The following SNAP91 variants were observed in gnomAD, a reference collection of about 807,000 sequenced individuals.
The protein encoded by SNAP91 is synaptosome associated protein 91.
Under a neutral mutation model 100.3 loss-of-function variants are expected in SNAP91, and 27 were observed. The ratio of observed to expected loss-of-function variants is 0.27; its 90% CI spans 0.20 to 0.37. The LOEUF is 0.37. Ranked by LOEUF, SNAP91 falls within the 10% of genes least tolerant of loss-of-function variation. The pLI is 1.00. For synonymous variants in SNAP91, 404 were observed against 398.6 expected (o/e 1.01, Z -0.16); for missense variants, 986 against 1,123.7 (o/e 0.88, Z 1.75).
chr6:83,597,042 G>A (rs1197026381), intron 16 of SNAP91, among the ~76,000 whole-genome samples: 1 of 152,204 alleles, frequency 6.6e-6, no homozygotes, highest in Non-Finnish European at 1.5e-5. Flanking sequence ...ATCCTTAGAA[G>A]AGGGTTTTAA....
intron 6 of SNAP91, among the ~76,000 whole-genome samples, chr6:83,658,477 C>T (rs1291737107): frequency 2.0e-5 from 3 of 151,960 alleles, no homozygotes; most frequent in East Asian, 1.9e-4. Context: ...GGCATGGTGG[C>T]GGGCGCCTGC....
At chr6:83,681,597 G>C (rs1411778630) in intron 2 of SNAP91, among the ~76,000 whole-genome samples, 1 of 151,956 alleles carries the variant, frequency 6.6e-6, no homozygotes, top group Admixed American at 6.6e-5. Context: ...AAACATCAAG[G>C]GAAAAACAAG....
intron 24 of SNAP91, among the ~76,000 whole-genome samples, chr6:83,578,523 G>A (rs1823112482): frequency 6.6e-6 from 1 of 152,002 alleles, no homozygotes; most frequent in African/African-American, 2.4e-5. Flanking sequence ...GAGAATATAG[G>A]GTGCTTGGGT....
intron 7 of SNAP91, among the ~76,000 whole-genome samples, chr6:83,655,575 G>A (rs1186801040): frequency 6.6e-6 from 1 of 152,082 alleles, no homozygotes; most frequent in African/African-American, 2.4e-5. Context: ...TTTTACCTCA[G>A]TTTACCTTGG....
At chr6:83,639,750 T>C (rs972919755) in intron 8 of SNAP91, among the ~76,000 whole-genome samples, 1 of 152,116 alleles carries the variant, frequency 6.6e-6, no homozygotes, top group Non-Finnish European at 1.5e-5. Flanking sequence ...GCCAGCTCCT[T>C]ACTTACATAC....
intron 2 of SNAP91, among the ~76,000 whole-genome samples, chr6:83,702,678 A>G (rs2099328643): frequency 6.6e-6 from 1 of 152,108 alleles, no homozygotes. Context: ...ATTCTAAGAA[A>G]GTATCTGCTA....
rs1420205118 is a variant in SNAP91, at chr6:83,593,081, C to A, written c.1775-64G>T. The A allele has an allele frequency of 1.4e-5, 21 of 1,532,936 alleles. No homozygotes were observed. In the East Asian group the frequency reaches 1.5e-4, roughly 11 times the overall value. The allele number at this position is 1,532,936 out of a possible 1,614,324, so 95.0% of individuals were successfully genotyped here. Reference sequence around the variant, plus strand: ...AGTAGTAGAAAGCTGAAATCAAAGTCAAAAATCTAACAAATGCATTATCAC... The same window carrying A: ...AGTAGTAGAAAGCTGAAATCAAAGTAAAAAATCTAACAAATGCATTATCAC... On this transcript the variant is annotated intron_variant, in intron 19 of 29. Coordinates refer to ENST00000369694, the MANE Select transcript of SNAP91 (RefSeq NM_001242792.2).
intron 2 of SNAP91, among the ~76,000 whole-genome samples, chr6:83,674,056 TTTTG>T (rs756918513): frequency 2.0e-5 from 3 of 152,152 alleles, no homozygotes; most frequent in African/African-American, 4.8e-5. Flanking sequence ...GAATCATGTT[TTTTG>T]TTTGTTTGTT....
At chr6:83,695,658 C>A (rs1260094282) in intron 2 of SNAP91, among the ~76,000 whole-genome samples, 1 of 152,084 alleles carries the variant, frequency 6.6e-6, no homozygotes, top group African/African-American at 2.4e-5. Flanking sequence ...TTTACACTTG[C>A]AGCAATTGAG....
chr6:83,665,391 T>TA, intron 3 of SNAP91, 48 bp downstream of exon 3: 1 of 1,581,254 alleles, frequency 6.3e-7, no homozygotes, highest in East Asian at 2.3e-5. Context: ...ATGCTCTTCC[T>TA]AAAAGCCTCC....
At position 83,686,094 on chromosome 6, in the gene SNAP91, T is replaced by C. The variant is rs539540727; in HGVS notation, c.131-20513A>G. The C allele has an allele frequency of 4.5e-6, 4 of 892,440 alleles. 1 individual carries two copies. In the East Asian group the frequency reaches 4.8e-4, roughly 106 times the overall value. 55.3% of individuals were successfully genotyped at this position (892,440 alleles called of 1,614,324 possible). On this transcript the variant is annotated intron_variant, in intron 2 of 29. Transcript: ENST00000369694. Reference sequence around the variant, plus strand: ...ATGCACAGTAGACACTGATTAAATGTTTGTTGTGAACCTGGAACATACTCT... The same window carrying C: ...ATGCACAGTAGACACTGATTAAATGCTTGTTGTGAACCTGGAACATACTCT...
chr6:83,601,748 A>C (rs1250634732), intron 14 of SNAP91, 149 bp from the exon 15 acceptor site: 5 of 739,294 alleles, frequency 6.8e-6, no homozygotes, highest in Non-Finnish European at 2.3e-6. Context: ...TAAAAAATAA[A>C]TGTACTACCT....
chr6:83,611,402 G>A, intron 11 of SNAP91: 1 of 454,894 alleles, frequency 2.2e-6, no homozygotes, highest in Non-Finnish European at 4.4e-6. Context: ...TCACTTCTAG[G>A]AAAGTGCTTC....
intron 2 of SNAP91, among the ~76,000 whole-genome samples, chr6:83,706,941 C>G (rs1314732411): frequency 6.6e-6 from 1 of 152,172 alleles, no homozygotes; most frequent in Admixed American, 6.5e-5. Context: ...CTCTGTTTAT[C>G]CTTCGGTGAC....
chr6:83,703,182 T>C (rs776873920), intron 2 of SNAP91, among the ~76,000 whole-genome samples: 1 of 150,832 alleles, frequency 6.6e-6, no homozygotes, highest in Non-Finnish European at 1.5e-5. Context: ...TTTAAACTAA[T>C]AGTTAAATGA....
At chr6:83,558,044 C>T (rs1032489108) in intron 28 of SNAP91, among the ~76,000 whole-genome samples, 12 of 151,632 alleles carry the variant, frequency 7.9e-5, no homozygotes, top group Non-Finnish European at 1.6e-4. Flanking sequence ...CAATGTATTC[C>T]CATCATACTA....
intron 9 of SNAP91, among the ~76,000 whole-genome samples, chr6:83,618,115 T>C (rs2096573358): frequency 6.6e-6 from 1 of 151,890 alleles, no homozygotes; most frequent in South Asian, 2.1e-4. Flanking sequence ...TCTTTAATTT[T>C]GAAAATTCAG....
rs886207605 is a variant in SNAP91, at chr6:83,642,326, C to T, written c.659-1124G>A. On this transcript the variant is annotated intron_variant, in intron 7 of 29. Transcript: ENST00000369694. ...TTTACATTAGGTATATCTCCTAATG[C>T]TATCCCTCCCACCTCCCCTCACCCC... Among the ~76,000 whole-genome samples, 11 of 152,260 alleles carry T rather than the reference C, an allele frequency of 7.2e-5. No homozygotes were observed. The East Asian group carries it at 9.7e-4, about 13-fold the overall frequency.
At chr6:83,671,868 G>A in intron 2 of SNAP91, among the ~76,000 whole-genome samples, 1 of 151,828 alleles carries the variant, frequency 6.6e-6, no homozygotes, top group Admixed American at 6.6e-5. Context: ...TTATGACAGG[G>A]CCCTTGTTAT....
Sources: allele counts gnomAD v4.1 joint callset (sites outside exome capture counted in the v4.1 genomes callset), GRCh38; gene constraint gnomAD v4.1.1; transcripts MANE v1.5; gene names NCBI Gene and HGNC (gene_info 2026-07-23, HGNC 2026-07-21).